The following PSD3 variants were observed in gnomAD, a reference collection of about 807,000 sequenced individuals.
PSD3 encodes the protein PH and SEC7 domain-containing protein 3.
In PSD3, 49 loss-of-function variants were observed where a neutral mutation model predicts 105.5. The observed-to-expected ratio is 0.46, with a 90% CI of 0.37 to 0.59. The LOEUF (loss-of-function observed/expected upper bound fraction) is 0.59. Among genes scored for constraint, PSD3 ranks in the 20% least tolerant of loss-of-function variants. The pLI, the probability that PSD3 is intolerant of heterozygous loss-of-function variation, is 0.00. For synonymous variants in PSD3, 557 were observed against 457.8 expected (o/e 1.22, Z -2.77); for missense variants, 1,561 against 1,263.8 (o/e 1.24, Z -3.57).
chr8:18,967,140 A>G (rs1240824720), intron 1 of PSD3, among the ~76,000 whole-genome samples: 1 of 148,130 alleles, frequency 6.8e-6, no homozygotes, highest in Non-Finnish European at 1.5e-5. Flanking sequence ...CCCACTTAGG[A>G]TTTTCTTTTT....
intron 12 of PSD3, among the ~76,000 whole-genome samples, chr8:18,586,147 T>C (rs199770680): frequency 4.5e-4 from 68 of 152,036 alleles, no homozygotes; most frequent in Non-Finnish European, 6.6e-4. Context: ...TTAAGAGGCA[T>C]GAGATATTAT....
chr8:18,927,404 G>C (rs1012521452), intron 2 of PSD3, among the ~76,000 whole-genome samples: 2 of 152,068 alleles, frequency 1.3e-5, no homozygotes, highest in Non-Finnish European at 2.9e-5. Context: ...AGGAGAGACA[G>C]GGTTTCATCA....
chr8:18,734,665 T>C (rs7821713), intron 9 of PSD3, among the ~76,000 whole-genome samples: 141,385 of 152,256 alleles, frequency 0.93, 65,728 homozygotes, highest in Middle Eastern at 0.96. Context: ...CTAAAAGCAA[T>C]GAATGTACAG....
chr8:18,584,796 G>T (rs1212530018), intron 12 of PSD3, among the ~76,000 whole-genome samples: 3 of 152,156 alleles, frequency 2.0e-5, no homozygotes, highest in African/African-American at 7.2e-5. Flanking sequence ...CAAAAAGGTG[G>T]GGGGCTCCTT....
rs1221314440 is a variant in PSD3 at position 18,534,667 on chromosome 8, C to A, written c.*1076G>T. ...CAGATATATTTTAAAGAACCAATAT[C>A]CATCGTGGACAACTGCAGCTACGTT... On this transcript the variant is annotated 3_prime_UTR_variant, in exon 16 of 16. Transcript: ENST00000327040. The A allele has an allele frequency of 1.3e-5, 2 of 152,120 alleles. No individual in the cohort carries two copies. The highest frequency in any genetic ancestry group is 2.9e-5 in the Non-Finnish European group (2 of 68,014). The allele number at this position is 152,120 out of a possible 1,614,324, so 9.4% of individuals were successfully genotyped here.
At chr8:18,561,477 C>A (rs928745679) in intron 14 of PSD3, among the ~76,000 whole-genome samples, 19 of 151,956 alleles carry the variant, frequency 1.3e-4, no homozygotes, top group South Asian at 2.1e-4. Context: ...GGGCAAGGGA[C>A]TGGGGACATG....
intron 11 of PSD3, among the ~76,000 whole-genome samples, chr8:18,602,598 C>T (rs1353479501): frequency 6.6e-6 from 1 of 152,102 alleles, no homozygotes; most frequent in Non-Finnish European, 1.5e-5. Flanking sequence ...TCTAAGTGCT[C>T]TGACACTTAT....
chr8:18,546,966 T>C (rs1585213132), intron 15 of PSD3, among the ~76,000 whole-genome samples: 1 of 152,056 alleles, frequency 6.6e-6, no homozygotes, highest in Non-Finnish European at 1.5e-5. Context: ...GAGAACATGG[T>C]GGTTCTGCTG....
intron 8 of PSD3, among the ~76,000 whole-genome samples, chr8:18,775,177 C>T (rs79153013): frequency 0.046 from 7,059 of 152,118 alleles, 556 homozygotes; most frequent in African/African-American, 0.16. Context: ...CACATTGCTA[C>T]CAATAACATA....
At chr8:18,861,349 C>T (rs1437206834) in intron 4 of PSD3, among the ~76,000 whole-genome samples, 1 of 152,156 alleles carries the variant, frequency 6.6e-6, no homozygotes, top group South Asian at 2.1e-4. Flanking sequence ...TGAGCCCCTC[C>T]TCACAGTCCC....
chr8:18,631,955 A>C (rs527291465), intron 11 of PSD3, among the ~76,000 whole-genome samples: 2 of 152,160 alleles, frequency 1.3e-5, no homozygotes, highest in East Asian at 3.9e-4. Flanking sequence ...TTCACTCTGC[A>C]AAGATTATTC....
rs183918244 is a variant in PSD3, at chr8:19,033,681, G to A, written c.324+50525C>T. Among the ~76,000 whole-genome samples, 22 of 151,270 alleles carry A rather than the reference G, an allele frequency of 1.5e-4. No individual in the cohort carries two copies. The East Asian group carries it at 3.1e-3, about 22-fold the overall frequency. Reference sequence around the variant, plus strand: ...AGCTTTGCTTGAAGGTTTTTAGTGGGTTCCTTGCCATTCATACCCAATTAT... The same window carrying A: ...AGCTTTGCTTGAAGGTTTTTAGTGGATTCCTTGCCATTCATACCCAATTAT... On this transcript the variant is annotated intron_variant, in intron 1 of 1. Transcript: ENST00000521475.
intron 9 of PSD3, among the ~76,000 whole-genome samples, chr8:18,710,495 C>T (rs1028314780): frequency 2.0e-5 from 3 of 152,036 alleles, no homozygotes; most frequent in Non-Finnish European, 2.9e-5. Context: ...ACCCAGAGAA[C>T]CACAGTAAGA....
intron 9 of PSD3, among the ~76,000 whole-genome samples, chr8:18,697,152 C>G (rs1250967383): frequency 6.6e-6 from 1 of 152,114 alleles, no homozygotes; most frequent in Admixed American, 6.5e-5. Flanking sequence ...ATTATTTTTT[C>G]TGCACGAGTC....
intron 11 of PSD3, among the ~76,000 whole-genome samples, chr8:18,618,404 A>G (rs1428784147): frequency 2.0e-5 from 3 of 151,474 alleles, no homozygotes; most frequent in African/African-American, 2.4e-5. Context: ...GGTCACTTGT[A>G]TCTGGCTCAG....
In PSD3 at chr8:18,821,684, A is replaced by ACACACAC. The variant is rs71217402; in HGVS notation, c.1635-16787_1635-16786insGTGTGTG. Among the ~76,000 whole-genome samples, 6 of 131,398 alleles carry ACACACAC rather than the reference A, an allele frequency of 4.6e-5. No homozygotes were observed. The South Asian group carries it at 1.6e-3, about 34-fold the overall frequency. 86.2% of individuals were successfully genotyped at this position (131,398 alleles called of 152,430 possible). A position where few individuals can be genotyped will look rare whatever the true frequency, so the allele number is the denominator to read the frequency against. Reference sequence around the variant, plus strand: ...TTAATTCCAAAATTTTGACCCCCACAACACACACACACACACACACACACA... The same window carrying ACACACAC: ...TTAATTCCAAAATTTTGACCCCCACACACACACACACACACACACACACACACACACA... On this transcript the variant is annotated intron_variant, in intron 4 of 15. Coordinates refer to ENST00000327040, the MANE Select transcript of PSD3 (RefSeq NM_015310.4).
intron 15 of PSD3, among the ~76,000 whole-genome samples, chr8:18,541,841 C>A (rs1360729582): frequency 1.3e-5 from 2 of 151,604 alleles, no homozygotes; most frequent in African/African-American, 4.9e-5. Flanking sequence ...ACCTCTGCCT[C>A]CCAGGTTCAA....
At chr8:18,970,340 A>AAC (rs1273180058) in intron 1 of PSD3, among the ~76,000 whole-genome samples, 1 of 150,004 alleles carries the variant, frequency 6.7e-6, no homozygotes, top group East Asian at 2.0e-4. Context: ...AAAAAAAAAA[A>AAC]AAAAAAAACA....
intron 11 of PSD3, among the ~76,000 whole-genome samples, chr8:18,607,115 C>G (rs1262548484): frequency 2.0e-5 from 3 of 152,096 alleles, no homozygotes; most frequent in Non-Finnish European, 4.4e-5. Flanking sequence ...GCACTGAAGG[C>G]AGGAAGAGAG....
Sources: allele counts gnomAD v4.1 joint callset (sites outside exome capture counted in the v4.1 genomes callset), GRCh38; gene constraint gnomAD v4.1.1; transcripts MANE v1.5; gene names NCBI Gene and HGNC (gene_info 2026-07-23, HGNC 2026-07-21).